RAPGEF4: variants seen among roughly 807,000 people sequenced by gnomAD.
RAPGEF4 encodes the protein RAP guanine-nucleotide-exchange factor (GEF) 4.
Under a neutral mutation model 147.9 loss-of-function variants are expected in RAPGEF4, and 66 were observed. That is an observed-to-expected ratio of 0.45 (90% CI 0.37 to 0.55). The LOEUF (loss-of-function observed/expected upper bound fraction) is 0.55. RAPGEF4 is among the 20% of genes least tolerant of loss of function. The probability of loss-of-function intolerance (pLI) is 0.00; values close to 1 mark genes in which losing one functional copy is unlikely to be tolerated. For synonymous variants in RAPGEF4, 419 were observed against 442.7 expected, an observed-to-expected ratio of 0.95 and a Z score of 0.67; for missense variants, 1,071 against 1,257.3, an observed-to-expected ratio of 0.85 and a Z score of 2.24.
At chr2:172,777,810 C>T (rs1473366060) in intron 1 of RAPGEF4, among the ~76,000 whole-genome samples, 1 of 152,054 alleles carries the variant, frequency 6.6e-6, no homozygotes, top group African/African-American at 2.4e-5. Context: ...GTGTGTTTCC[C>T]TTCTTCCTGG....
At chr2:172,899,991 C>A (rs1327864832) in intron 4 of RAPGEF4, among the ~76,000 whole-genome samples, 1 of 152,186 alleles carries the variant, frequency 6.6e-6, no homozygotes, top group Non-Finnish European at 1.5e-5. Context: ...CCCTTGGACT[C>A]CTCCTCCCCT....
chr2:172,917,081 A>G (rs2150030738), intron 4 of RAPGEF4, among the ~76,000 whole-genome samples: 1 of 152,334 alleles, frequency 6.6e-6, no homozygotes, highest in Admixed American at 6.5e-5. Context: ...TGGATGCTCT[A>G]GATGGCTTTA....
chr2:172,965,810 G>T (rs1689776774), intron 9 of RAPGEF4, 127 bp downstream of exon 9: 1 of 1,195,148 alleles, frequency 8.4e-7, no homozygotes, highest in Admixed American at 2.1e-5. Flanking sequence ...TGCAGAGCTA[G>T]CATCTTCATT....
At chr2:172,920,378 G>A (rs150936284) in intron 5 of RAPGEF4, among the ~76,000 whole-genome samples, 146 of 152,080 alleles carry the variant, frequency 9.6e-4, no homozygotes, top group Middle Eastern at 3.4e-3. Flanking sequence ...AGTAACATCC[G>A]CCACCCAATC....
intron 26 of RAPGEF4, among the ~76,000 whole-genome samples, chr2:173,031,549 C>G (rs1318031524): frequency 1.3e-5 from 2 of 152,138 alleles, no homozygotes; most frequent in Non-Finnish European, 2.9e-5. Context: ...AACCATAAAG[C>G]CTCAAAGGGT....
intron 30 of RAPGEF4, among the ~76,000 whole-genome samples, chr2:173,050,294 C>A (rs1230009947): frequency 6.6e-6 from 1 of 152,122 alleles, no homozygotes; most frequent in Non-Finnish European, 1.5e-5. Context: ...GAGTACACTG[C>A]CAGTGAGAAG....
chr2:172,976,713 T>G (rs1691113364), intron 10 of RAPGEF4, among the ~76,000 whole-genome samples: 1 of 152,220 alleles, frequency 6.6e-6, no homozygotes. Context: ...CTATGGGCCA[T>G]GCCAATGTGC....
At chr2:172,996,670 A>G (rs550476213) in intron 16 of RAPGEF4, 116 bp downstream of exon 16, 12 of 701,424 alleles carry the variant, frequency 1.7e-5, no homozygotes, top group African/African-American at 1.7e-4. Context: ...GATTCTGTGT[A>G]TTGATATTTG....
intron 6 of RAPGEF4, among the ~76,000 whole-genome samples, chr2:172,946,219 A>G (rs1687665386): frequency 6.6e-6 from 1 of 152,230 alleles, no homozygotes. Flanking sequence ...ATAAAGTATG[A>G]TTACACTTCA....
At chr2:173,019,184 T>G (rs1695798302) in intron 22 of RAPGEF4, among the ~76,000 whole-genome samples, 1 of 152,162 alleles carries the variant, frequency 6.6e-6, no homozygotes, top group Admixed American at 6.5e-5. Context: ...AAGTTGGAAG[T>G]GGTCAGAAGC....
chr2:172,747,709 T>C (rs1002740848), intron 1 of RAPGEF4, among the ~76,000 whole-genome samples: 7 of 152,116 alleles, frequency 4.6e-5, no homozygotes, highest in Admixed American at 1.3e-4. Flanking sequence ...GCAATCCTCC[T>C]ACCTTGGCCT....
At chr2:172,747,412 T>C (rs993483238) in intron 1 of RAPGEF4, among the ~76,000 whole-genome samples, 1 of 152,252 alleles carries the variant, frequency 6.6e-6, no homozygotes, top group Admixed American at 6.5e-5. Flanking sequence ...TATTGTTAAC[T>C]ATGTTCACAT....
chr2:172,769,466 C>T (rs569858891), intron 1 of RAPGEF4, among the ~76,000 whole-genome samples: 19 of 152,242 alleles, frequency 1.2e-4, no homozygotes, highest in African/African-American at 4.3e-4. Flanking sequence ...GTCTTCCTTC[C>T]TGGGGTATGC....
At chr2:173,018,389 T>C (rs989344118) in intron 21 of RAPGEF4, among the ~76,000 whole-genome samples, 16 of 152,234 alleles carry the variant, frequency 1.1e-4, no homozygotes, top group Non-Finnish European at 2.1e-4. Flanking sequence ...TCTCAATTTT[T>C]TCCCATGACC....
At chr2:172,965,716 A>G (rs367989503) in intron 9 of RAPGEF4, 33 bp downstream of exon 9, 2 of 1,607,384 alleles carry the variant, frequency 1.2e-6, no homozygotes, top group African/African-American at 2.7e-5. Context: ...GAAACCTCTC[A>G]AGAAATGCTA....
At chr2:172,835,542 A>G (rs1027530271) in intron 4 of RAPGEF4, among the ~76,000 whole-genome samples, 1 of 152,212 alleles carries the variant, frequency 6.6e-6, no homozygotes, top group African/African-American at 2.4e-5. Flanking sequence ...TCTCACCTGT[A>G]AAGTGAGATA....
At position 173,047,689 on chromosome 2, in the gene RAPGEF4, T is replaced by C. The variant is rs543220564; in HGVS notation, c.2854-911T>C. Among the ~76,000 whole-genome samples the C allele has an allele frequency of 1.0e-2, 1,520 of 152,156 alleles. 27 individuals are homozygous for C. Among genetic ancestry groups the C allele is most frequent in the African/African-American group, 0.035 (1,447 of 41,528 alleles). ...TATTTTCTGAATTTCTTTTTTTTTT[T>C]TTCTTGAGACGGAGTCTCACTCTGT... On this transcript the variant is annotated intron_variant, in intron 29 of 30. Coordinates refer to ENST00000397081, the MANE Select transcript of RAPGEF4 (RefSeq NM_007023.4).
chr2:172,762,608 G>C (rs1010712564), intron 1 of RAPGEF4, among the ~76,000 whole-genome samples: 3 of 152,208 alleles, frequency 2.0e-5, no homozygotes, highest in Non-Finnish European at 1.5e-5. Flanking sequence ...TTAGAGGCAG[G>C]GGACAGAAGA....
intron 17 of RAPGEF4, among the ~76,000 whole-genome samples, chr2:173,008,951 A>T (rs1406361069): frequency 6.6e-6 from 1 of 152,218 alleles, no homozygotes; most frequent in African/African-American, 2.4e-5. Context: ...TGTAGCCTAC[A>T]CTGTGGCCTT....
Sources: gnomAD v4.1 joint callset for allele counts (sites outside exome capture counted in the v4.1 genomes callset) on GRCh38, gnomAD v4.1.1 for gene constraint, MANE v1.5 for transcripts, NCBI Gene and HGNC (gene_info 2026-07-23, HGNC 2026-07-21) for gene names.